UNC13C: variants seen among roughly 807,000 people sequenced by gnomAD.
UNC13C encodes protein unc-13 homolog C.
A neutral mutation model predicts 245.4 loss-of-function variants in UNC13C; 174 were observed. That is an observed-to-expected ratio of 0.71 (90% CI 0.63 to 0.80). The LOEUF (loss-of-function observed/expected upper bound fraction) is 0.80, where lower values mean the gene tolerates loss of function less well. Among genes scored for constraint, UNC13C ranks in the 30% least tolerant of loss-of-function variants. UNC13C has a pLI of 0.00. For synonymous variants in UNC13C, 992 were observed against 895.1 expected (o/e 1.11, Z -1.93); for missense variants, 2,829 against 2,602.9 (o/e 1.09, Z -1.89).
At chr15:53,866,860 T>C in the UNC13C span, among the ~76,000 whole-genome samples, 2 of 152,290 alleles carry the variant, frequency 1.3e-5, no homozygotes, top group South Asian at 4.1e-4. Context: ...GAACCAAAAA[T>C]ATGTAAAACC....
intron 23 of UNC13C, 127 bp from the exon 24 acceptor site, chr15:54,511,625 GA>G (rs1220379045): frequency 1.7e-5 from 11 of 634,830 alleles, no homozygotes; most frequent in Non-Finnish European, 3.0e-5. Context: ...TGAAATAGCA[GA>G]ATTAGTATAT....
chr15:53,944,858 T>G, the UNC13C span, among the ~76,000 whole-genome samples: 2 of 152,090 alleles, frequency 1.3e-5, 1 homozygote, highest in Admixed American at 1.3e-4. Context: ...CTTTTGATGG[T>G]TGAATTAAGT....
intron 4 of UNC13C, among the ~76,000 whole-genome samples, chr15:54,206,583 A>G (rs974814841): frequency 6.6e-6 from 1 of 152,128 alleles, no homozygotes; most frequent in Non-Finnish European, 1.5e-5. Context: ...TTCCTTAGAC[A>G]AAACAGATCA....
chr15:53,944,302 A>G, the UNC13C span, among the ~76,000 whole-genome samples: 1 of 152,092 alleles, frequency 6.6e-6, no homozygotes, highest in Non-Finnish European at 1.5e-5. Context: ...AAGTTTTGTT[A>G]TATAATTAAA....
At chr15:54,564,466 A>G (rs1163831213) in intron 29 of UNC13C, among the ~76,000 whole-genome samples, 2 of 152,048 alleles carry the variant, frequency 1.3e-5, no homozygotes, top group Non-Finnish European at 2.9e-5. Context: ...ATGCCTTAGG[A>G]TTAAAAACAT....
chr15:54,476,292 T>C (rs1892734608), intron 19 of UNC13C, among the ~76,000 whole-genome samples: 2 of 145,506 alleles, frequency 1.4e-5, no homozygotes, highest in Non-Finnish European at 3.0e-5. Context: ...TCTTTTGCTG[T>C]GCAGAAGCTC....
In UNC13C at chr15:54,533,067, G is replaced by A. The variant is rs749156924; in HGVS notation, c.5696+1G>A. Reference sequence around the variant, plus strand: ...CTCTTATGGATTTTTTGGACAAAACGTAAGTTTTTTTGCCCAGTTTTCTCT... The same window carrying A: ...CTCTTATGGATTTTTTGGACAAAACATAAGTTTTTTTGCCCAGTTTTCTCT... On this transcript the variant is annotated splice_donor_variant, in intron 26 of 32. Transcript: ENST00000260323. LOFTEE classifies it high-confidence loss of function. 7 of 1,584,512 alleles carry A rather than the reference G, an allele frequency of 4.4e-6. No homozygotes were observed. Among genetic ancestry groups the A allele is most frequent in the South Asian group, 1.2e-5 (1 of 86,086 alleles).
At chr15:53,841,445 C>G in the UNC13C span, among the ~76,000 whole-genome samples, 81 of 152,186 alleles carry the variant, frequency 5.3e-4, 1 homozygote, top group Non-Finnish European at 1.3e-4. Context: ...TTATTCTGCA[C>G]TTTTACTGAA....
chr15:53,875,408 T>G, the UNC13C span, among the ~76,000 whole-genome samples: 3 of 152,126 alleles, frequency 2.0e-5, no homozygotes, highest in African/African-American at 7.2e-5. Context: ...TCACTGTAGT[T>G]TTGCAACAGG....
intron 4 of UNC13C, among the ~76,000 whole-genome samples, chr15:54,149,688 T>A (rs1178372391): frequency 6.6e-6 from 1 of 152,214 alleles, no homozygotes; most frequent in South Asian, 2.1e-4. Flanking sequence ...TACCTAAATA[T>A]TTTTAATGAC....
chr15:54,045,235 G>T (rs1207651244), intron 2 of UNC13C, among the ~76,000 whole-genome samples: 1 of 151,994 alleles, frequency 6.6e-6, no homozygotes, highest in Non-Finnish European at 1.5e-5. Context: ...TTTGCATATG[G>T]TATAAAACAG....
chr15:54,252,711 G>A (rs1278992146), intron 8 of UNC13C, among the ~76,000 whole-genome samples: 1 of 152,086 alleles, frequency 6.6e-6, no homozygotes, highest in Non-Finnish European at 1.5e-5. Flanking sequence ...TGCCAACACT[G>A]AAGAAAAGGA....
chr15:54,055,496 C>T (rs8028402), intron 2 of UNC13C, among the ~76,000 whole-genome samples: 129,742 of 152,094 alleles, frequency 0.85, 55,503 homozygotes, highest in Middle Eastern at 0.92. Flanking sequence ...GTTGTACTGA[C>T]AACAGAGATT....
intron 17 of UNC13C, among the ~76,000 whole-genome samples, chr15:54,353,493 T>C (rs2039028814): frequency 6.6e-6 from 1 of 152,140 alleles, no homozygotes; most frequent in Admixed American, 6.5e-5. Context: ...CCCAGTGTAG[T>C]AGTACCTAGA....
At chr15:53,946,572 T>C in the UNC13C span, among the ~76,000 whole-genome samples, 2,533 of 151,490 alleles carry the variant, frequency 0.017, 111 homozygotes, top group East Asian at 0.15. Flanking sequence ...AATACAAAAA[T>C]TAGCTGGACA....
At chr15:54,113,007 G>C (rs1192975257) in intron 2 of UNC13C, among the ~76,000 whole-genome samples, 1 of 152,178 alleles carries the variant, frequency 6.6e-6, no homozygotes, top group African/African-American at 2.4e-5. Context: ...ACAGTAAATA[G>C]TGTTTTTCAG....
intron 4 of UNC13C, among the ~76,000 whole-genome samples, chr15:54,231,239 C>G (rs1412911974): frequency 6.6e-6 from 1 of 152,116 alleles, no homozygotes; most frequent in Admixed American, 6.5e-5. Context: ...TTCTTCTTAG[C>G]AAAATGCTTA....
At chr15:54,571,054 A>G (rs988313865) in intron 30 of UNC13C, among the ~76,000 whole-genome samples, 1 of 152,198 alleles carries the variant, frequency 6.6e-6, no homozygotes, top group Non-Finnish European at 1.5e-5. Context: ...ATCATTTCCA[A>G]TCAATGGTAG....
chr15:54,194,315 C>T (rs916264657), intron 4 of UNC13C, among the ~76,000 whole-genome samples: 22 of 152,186 alleles, frequency 1.4e-4, no homozygotes, highest in African/African-American at 5.3e-4. Context: ...CTGATGTATG[C>T]TCTTAAATTG....
Sources: gnomAD v4.1 joint callset for allele counts (sites outside exome capture counted in the v4.1 genomes callset) on GRCh38, gnomAD v4.1.1 for gene constraint, MANE v1.5 for transcripts, NCBI Gene and HGNC (gene_info 2026-07-23, HGNC 2026-07-21) for gene names.